Variants in ZNF665 observed in about 807,000 individuals in gnomAD.
ZNF665 encodes the protein zinc finger protein 665.
In ZNF665, 6 loss-of-function variants were observed where a neutral mutation model predicts 7.9. The ratio of observed to expected loss-of-function variants is 0.76; its 90% CI spans 0.42 to 1.50. The LOEUF (loss-of-function observed/expected upper bound fraction) is 1.50. ZNF665 is among the 40% of genes most tolerant of loss of function. The probability of loss-of-function intolerance (pLI) is 0.01; values close to 1 mark genes in which losing one functional copy is unlikely to be tolerated. For missense variants in ZNF665, 819 were observed against 806.7 expected, an observed-to-expected ratio of 1.02 and a Z score of -0.18; for synonymous variants, 242 against 274.5, an observed-to-expected ratio of 0.88 and a Z score of 1.17.
At chr19:53,171,514 A>ATATATATG (rs1195398979) in intron 3 of ZNF665, among the ~76,000 whole-genome samples, 43 of 80,288 alleles carry the variant, frequency 5.4e-4, no homozygotes, top group African/African-American at 2.2e-3. Context: ...GTATATATAT[A>ATATATATG]TATATATATA....
intron 2 of ZNF665, chr19:53,181,676 A>G (rs2090738779): frequency 6.6e-6 from 1 of 152,228 alleles, no homozygotes; most frequent in African/African-American, 2.4e-5. Flanking sequence ...TCACGAGTAC[A>G]TTAGGAATTA....
chr19:53,162,510 A>G lies in ZNF665; in HGVS notation c.*1943T>C, dbSNP rs2090572859. On this transcript the variant is annotated 3_prime_UTR_variant, in exon 4 of 4. Coordinates refer to ENST00000396424, the MANE Select transcript of ZNF665 (RefSeq NM_024733.5). ...TAGCAAAATGTGATTCCAGCAGTTA[A>G]TGTAAATCCTAGTAACAAACATGGG... 2 of 152,170 alleles carry G rather than the reference A, an allele frequency of 1.3e-5. No homozygotes were observed. Among genetic ancestry groups the G allele is most frequent in the South Asian group, 4.1e-4 (2 of 4,834 alleles). The allele number at this position is 152,170 out of a possible 1,614,324, so 9.4% of individuals were successfully genotyped here. A position where few individuals can be genotyped will look rare whatever the true frequency, so the allele number is the denominator to read the frequency against.
At chr19:53,193,114 A>G (rs1397514072) in intron 1 of ZNF665, among the ~76,000 whole-genome samples, 198 bp downstream of exon 1, 1 of 152,154 alleles carries the variant, frequency 6.6e-6, no homozygotes, top group Admixed American at 6.5e-5. Context: ...GAAGGCCGAA[A>G]GACCGCGGGC....
chr19:53,176,862 G>A (rs1009905373), intron 2 of ZNF665, among the ~76,000 whole-genome samples: 1 of 152,256 alleles, frequency 6.6e-6, no homozygotes, highest in African/African-American at 2.4e-5. Context: ...GCTCACGCCT[G>A]TAATCCCAGC....
intron 3 of ZNF665, 29 bp downstream of exon 3, chr19:53,175,416 C>G: frequency 6.3e-7 from 1 of 1,599,598 alleles, no homozygotes. Context: ...GAGAACAGAC[C>G]CTGACTTCTA....
Position 53,165,798 on chromosome 19 carries a change from T to C in ZNF665, c.692A>G (p.Glu231Gly), listed in dbSNP as rs2090608312. The stretch of plus-strand genomic sequence containing the variant: ...ACATTCATTACATTTGTAAGGTTTT[T>C]CTCCAGTATGGATGACCTGATGGAT... The part of the protein sequence containing the change: ...LTIHQVIHTG[E>G]KPYKCNECGK... Residue 231 changes from glutamate to glycine, a missense_variant, in exon 4 of 4, where the codon GAA becomes GGA. Glu to Gly is a moderately conservative substitution (Grantham distance 98). Transcript: ENST00000396424. The C allele has an allele frequency of 6.2e-7, 1 of 1,614,140 alleles. No individual in the cohort carries two copies. Among genetic ancestry groups the C allele is most frequent in the Non-Finnish European group, 8.5e-7 (1 of 1,180,018 alleles).
At position 53,164,621 on chromosome 19, in the gene ZNF665, T is replaced by C. The variant is rs10408337; in HGVS notation, c.1869A>G (p.Glu623=). 1,160 of 1,613,894 alleles carry C rather than the reference T, an allele frequency of 7.2e-4. 13 individuals carry two copies. The African/African-American group carries it at 0.013, about 18-fold the overall frequency. The change falls in exon 4 of 4, where the codon GAA becomes GAG. Residue 623 remains glutamate (E), a synonymous_variant. Transcript: ENST00000396424. ...CACACTCATTACACCTATAAGGTTT[T>C]TCTCCAGTGTGAATTCTTCTATGAT... The part of the protein sequence containing the change: ...LANHRRIHTG[E]KPYRCNECGK...
At chr19:53,184,400 GT>G (rs963291611) in intron 1 of ZNF665, among the ~76,000 whole-genome samples, 30 of 152,212 alleles carry the variant, frequency 2.0e-4, no homozygotes, top group African/African-American at 7.2e-4. Context: ...GAAGTACAGG[GT>G]GGCCCCCATC....
At chr19:53,172,227 A>G (rs559444219) in intron 3 of ZNF665, among the ~76,000 whole-genome samples, 1 of 152,360 alleles carries the variant, frequency 6.6e-6, no homozygotes, top group Admixed American at 6.5e-5. Context: ...AATAAAACCC[A>G]TATATAAGAT....
intron 3 of ZNF665, among the ~76,000 whole-genome samples, chr19:53,175,040 T>A (rs1568660412): frequency 6.7e-6 from 1 of 150,282 alleles, no homozygotes; most frequent in African/African-American, 2.5e-5. Context: ...TAGGTTTACA[T>A]GAGAAGAGAG....
chr19:53,168,135 G>T (rs1247476678), intron 3 of ZNF665, among the ~76,000 whole-genome samples: 1 of 51,316 alleles, frequency 1.9e-5, no homozygotes, highest in African/African-American at 7.6e-5. Flanking sequence ...CAGGATATAA[G>T]AACTGGAATA....
chr19:53,183,375 G>C (rs183291036), intron 1 of ZNF665, among the ~76,000 whole-genome samples: 1 of 152,294 alleles, frequency 6.6e-6, no homozygotes, highest in Non-Finnish European at 1.5e-5. Context: ...CAGAATAACA[G>C]AACAGAACAA....
Position 53,165,681 on chromosome 19 carries a change from G to A in ZNF665, c.809C>T (p.Ala270Val), listed in dbSNP as rs2090606850. ...AGTTAGTTTTGAATGTGCTCTAAAG[G>A]CTTTGCCACACTCATTACACTTGTA... ...KPYKCNECGK[A>V]FRAHSKLTTH... The change falls in exon 4 of 4, where the codon GCC becomes GTC. Residue 270 changes from alanine (A) to valine (V), a missense_variant. By Grantham distance (64) the Ala-to-Val change is moderately conservative. Transcript: ENST00000396424. The A allele has an allele frequency of 6.2e-7, 1 of 1,613,978 alleles. No individual in the cohort carries two copies. Among genetic ancestry groups the A allele is most frequent in the Non-Finnish European group, 8.5e-7 (1 of 1,180,034 alleles).
At position 53,182,682 on chromosome 19, in the gene ZNF665, G is replaced by A. The variant is rs895137375; in HGVS notation, c.15+202C>T. On this transcript the variant is annotated intron_variant, in intron 2 of 3. Coordinates refer to ENST00000396424, the MANE Select transcript of ZNF665 (RefSeq NM_024733.5). Reference sequence around the variant, plus strand: ...TGAGCCCTTCCCAGGTCCATGCCCCGTGCAGCCTCTTCCCAAGTTCATGTC... The same window carrying A: ...TGAGCCCTTCCCAGGTCCATGCCCCATGCAGCCTCTTCCCAAGTTCATGTC... 4.1e-5 allele frequency: 43 copies of A among 1,056,508 alleles called. No homozygotes were observed. The South Asian group carries it at 4.4e-4, about 11-fold the overall frequency. 65.4% of individuals were successfully genotyped at this position (1,056,508 alleles called of 1,614,324 possible).
Position 53,164,637 on chromosome 19 carries a change from C to G in ZNF665, c.1853G>C (p.Arg618Thr), listed in dbSNP as rs1164792003. The G allele has an allele frequency of 1.2e-6, 2 of 1,612,756 alleles. No individual in the cohort carries two copies. Among genetic ancestry groups the G allele is most frequent in the Non-Finnish European group, 1.7e-6 (2 of 1,178,916 alleles). The change falls in exon 4 of 4, where the codon AGA becomes ACA. Residue 618 changes from arginine to threonine, a missense_variant. Coordinates refer to ENST00000396424, the MANE Select transcript of ZNF665 (RefSeq NM_024733.5). Reference protein sequence around the residue: ...TQNSHLANHRRIHTGEKPYRC... With the variant: ...TQNSHLANHRTIHTGEKPYRC... ...ATAAGGTTTTTCTCCAGTGTGAATT[C>G]TTCTATGATTTGCAAGATGTGAATT...
intron 2 of ZNF665, chr19:53,179,459 T>G (rs2090722140): frequency 6.6e-6 from 1 of 151,192 alleles, no homozygotes; most frequent in African/African-American, 2.4e-5. Flanking sequence ...TTTTTGTTTT[T>G]TTTTTTGAGA....
In ZNF665 at chr19:53,165,799, C is replaced by A; in HGVS notation, c.691G>T (p.Glu231Ter). The A allele has an allele frequency of 6.2e-7, 1 of 1,614,130 alleles. No individual in the cohort carries two copies. The highest frequency in any genetic ancestry group is 8.5e-7 in the Non-Finnish European group (1 of 1,180,016). ...LTIHQVIHTG[E>*]KPYKCNECGK... is the part of the protein sequence containing the mutation. ...CATTCATTACATTTGTAAGGTTTTT[C>A]TCCAGTATGGATGACCTGATGGATT... Residue 231 changes from glutamate to a stop codon, truncating the protein, a stop_gained, in exon 4 of 4, where the codon GAA (glutamate) becomes TAA (stop). Coordinates refer to ENST00000396424, the MANE Select transcript of ZNF665 (RefSeq NM_024733.5). LOFTEE classifies it low-confidence loss of function (END_TRUNC).
In ZNF665 at chr19:53,179,293, A is replaced by G. The variant is rs112754466; in HGVS notation, c.15+3591T>C. 7.4e-4 allele frequency among the ~76,000 whole-genome samples: 111 copies of G among 149,190 alleles called. 1 individual carries two copies. The highest frequency in any genetic ancestry group is 5.1e-3 in the South Asian group (24 of 4,704). On this transcript the variant is annotated intron_variant, in intron 2 of 3. Coordinates refer to ENST00000396424, the MANE Select transcript of ZNF665 (RefSeq NM_024733.5). ...CGGGAGGCTGAGGCAGGAGAATGGC[A>G]TGAACCTGGGAGGCGGGGCTTGCAG... is the stretch of plus-strand genomic sequence containing the variant.
chr19:53,165,871 G>A lies in ZNF665; in HGVS notation c.619C>T (p.Gln207Ter). The A allele has an allele frequency of 6.2e-7, 1 of 1,613,220 alleles. No homozygotes were observed. The highest frequency in any genetic ancestry group is 1.3e-5 in the African/African-American group (1 of 74,798). ...KRIHTGEKPY[Q>*]CNKCGKAFTV... ...AAGGCTTTGCCACACTTATTACACTGGTAAGGCTTCTCTCCAGTATGAATT... is the reference window on the plus strand; with the variant it reads ...AAGGCTTTGCCACACTTATTACACTAGTAAGGCTTCTCTCCAGTATGAATT... Residue 207 changes from glutamine to a stop codon, truncating the protein, a stop_gained, in exon 4 of 4, where the codon CAG (glutamine) becomes TAG (stop). Transcript: ENST00000396424. LOFTEE classifies it low-confidence loss of function (END_TRUNC).
Sources: gnomAD v4.1 joint callset for allele counts (sites outside exome capture counted in the v4.1 genomes callset) on GRCh38, gnomAD v4.1.1 for gene constraint, MANE v1.5 for transcripts, NCBI Gene and HGNC (gene_info 2026-07-23, HGNC 2026-07-21) for gene names.